Variants in TANC2 observed in about 807,000 individuals in gnomAD.
TANC2 encodes tetratricopeptide repeat, ankyrin repeat and coiled-coil containing 2.
In TANC2, 26 loss-of-function variants were observed where a neutral mutation model predicts 210.5. The observed-to-expected ratio is 0.12, with a 90% CI of 0.09 to 0.17. The LOEUF (loss-of-function observed/expected upper bound fraction) is 0.17. Among genes scored for constraint, TANC2 ranks in the 10% least tolerant of loss-of-function variants. The probability of loss-of-function intolerance (pLI) is 1.00; values close to 1 mark genes in which losing one functional copy is unlikely to be tolerated. For missense variants in TANC2, 2,129 were observed against 2,608.9 expected (o/e 0.82, Z 4.01); for synonymous variants, 931 against 967.1 (o/e 0.96, Z 0.69).
intron 5 of TANC2, among the ~76,000 whole-genome samples, chr17:63,175,539 A>ACC (rs1567787121): frequency 5.0e-4 from 75 of 150,518 alleles, no homozygotes; most frequent in African/African-American, 1.6e-3. Context: ...CCGCCAAAAA[A>ACC]AAAAAAAAAA....
intron 3 of TANC2, among the ~76,000 whole-genome samples, chr17:63,075,130 C>G (rs888979922): frequency 2.6e-5 from 4 of 152,046 alleles, no homozygotes; most frequent in Non-Finnish European, 4.4e-5. Flanking sequence ...TGGAATTTAT[C>G]TTATTCACTC....
chr17:63,049,483 A>G (rs929702940), intron 2 of TANC2, among the ~76,000 whole-genome samples: 3 of 152,148 alleles, frequency 2.0e-5, no homozygotes, highest in African/African-American at 7.2e-5. Flanking sequence ...CTGGGAGAGA[A>G]GTATTTCAGG....
At chr17:63,178,756 G>A (rs923359592) in intron 5 of TANC2, among the ~76,000 whole-genome samples, 2 of 152,206 alleles carry the variant, frequency 1.3e-5, no homozygotes, top group Admixed American at 6.5e-5. Context: ...ACAATCTGAT[G>A]TGCAAATGCT....
At chr17:63,003,710 T>C (rs532193561) in intron 1 of TANC2, among the ~76,000 whole-genome samples, 2 of 152,340 alleles carry the variant, frequency 1.3e-5, no homozygotes, top group East Asian at 1.9e-4. Context: ...TCCTGTGTTA[T>C]ATATGTTTTG....
intron 3 of TANC2, among the ~76,000 whole-genome samples, chr17:63,093,104 G>A (rs2037264097): frequency 1.3e-5 from 2 of 152,000 alleles, no homozygotes; most frequent in South Asian, 2.1e-4. Context: ...CAGTTCATCC[G>A]TTTTTTAATA....
intron 17 of TANC2, chr17:63,390,468 A>G (rs1184552395): frequency 6.6e-6 from 1 of 152,220 alleles, no homozygotes; most frequent in Non-Finnish European, 1.5e-5. Flanking sequence ...ACCTCTAGGA[A>G]CAATGATAAC....
chr17:63,185,148 C>T (rs994490033), intron 5 of TANC2, among the ~76,000 whole-genome samples: 4 of 152,002 alleles, frequency 2.6e-5, no homozygotes, highest in African/African-American at 7.2e-5. Flanking sequence ...GCGTGCACTA[C>T]CAGGCCTGGC....
At chr17:63,063,674 T>TTGTGTGTGTG (rs371281397) in intron 2 of TANC2, among the ~76,000 whole-genome samples, 19 of 137,502 alleles carry the variant, frequency 1.4e-4, no homozygotes, top group African/African-American at 4.1e-4. Flanking sequence ...TTACCCAGTA[T>TTGTGTGTGTG]TGTGTGTGTG....
chr17:63,286,860 G>A (rs930612932), intron 9 of TANC2, among the ~76,000 whole-genome samples: 11 of 152,078 alleles, frequency 7.2e-5, no homozygotes, highest in Middle Eastern at 3.4e-3. Flanking sequence ...CCTCTGTAAC[G>A]TCAAATGTGT....
At chr17:63,137,075 ATTTTTATTTTTTAT>A (rs918807151) in intron 4 of TANC2, among the ~76,000 whole-genome samples, 3 of 152,248 alleles carry the variant, frequency 2.0e-5, no homozygotes, top group Non-Finnish European at 4.4e-5. Flanking sequence ...GGAATGGGAG[ATTTTTATTTTTTAT>A]TTTTTATTTT....
chr17:63,032,285 C>T (rs1269810223), intron 2 of TANC2, among the ~76,000 whole-genome samples: 1 of 152,086 alleles, frequency 6.6e-6, no homozygotes, highest in Non-Finnish European at 1.5e-5. Flanking sequence ...GTCTGGTGTC[C>T]ACCCTTTGAC....
chr17:63,326,502 T>C (rs1347441295), intron 11 of TANC2, among the ~76,000 whole-genome samples: 1 of 151,946 alleles, frequency 6.6e-6, no homozygotes, highest in Admixed American at 6.6e-5. Context: ...AAGAAAAGAT[T>C]GACAAATTTG....
At chr17:63,158,495 T>C (rs2039914652) in intron 5 of TANC2, among the ~76,000 whole-genome samples, 1 of 152,160 alleles carries the variant, frequency 6.6e-6, no homozygotes, top group African/African-American at 2.4e-5. Flanking sequence ...TTCACTTGGG[T>C]TTTGACACGC....
At chr17:63,411,632 CAAG>C in exon 22 of TANC2, 1 of 1,613,964 alleles carries the variant, frequency 6.2e-7, no homozygotes, top group Non-Finnish European at 8.5e-7. Context: ...ACCATGCTGA[CAAG>C]AATGGCCGTA....
intron 2 of TANC2, among the ~76,000 whole-genome samples, chr17:63,043,810 C>A (rs781500508): frequency 9.9e-5 from 15 of 152,002 alleles, no homozygotes; most frequent in Admixed American, 4.6e-4. Context: ...TCAGCTAATG[C>A]AGATGTACAG....
intron 12 of TANC2, among the ~76,000 whole-genome samples, chr17:63,340,990 T>C (rs1448648121): frequency 1.3e-5 from 2 of 152,244 alleles, no homozygotes; most frequent in Non-Finnish European, 2.9e-5. Context: ...AACCATTTCC[T>C]TGAAAATGGT....
At chr17:63,094,892 T>A (rs1484779519) in intron 3 of TANC2, among the ~76,000 whole-genome samples, 1 of 152,174 alleles carries the variant, frequency 6.6e-6, no homozygotes, top group East Asian at 1.9e-4. Context: ...CACTTTTAAT[T>A]TGGTTGACTG....
Position 63,418,497 on chromosome 17 carries a change from C to G in TANC2, c.4268+90C>G, listed in dbSNP as rs555922039. 20 of 1,097,318 alleles carry G rather than the reference C, an allele frequency of 1.8e-5. No individual in the cohort carries two copies. In the Admixed American group the frequency reaches 3.4e-4, roughly 19 times the overall value. 68.0% of individuals were successfully genotyped at this position (1,097,318 alleles called of 1,614,324 possible). On this transcript the variant is annotated intron_variant, in intron 27 of 27. Coordinates refer to ENST00000689528, the Ensembl canonical transcript of TANC2. This position sits in a 1 kb window ranked among gnomAD's most constrained non-coding sequence, Gnocchi z 4.6. ...TCGGCCACCCTGGGGCATATGTACCCAAATACATCTCTGTCCTTGAGAACT... is the reference window on the plus strand; with the variant it reads ...TCGGCCACCCTGGGGCATATGTACCGAAATACATCTCTGTCCTTGAGAACT...
At chr17:63,209,896 G>T (rs770579207) in intron 7 of TANC2, among the ~76,000 whole-genome samples, 1 of 152,066 alleles carries the variant, frequency 6.6e-6, no homozygotes, top group Non-Finnish European at 1.5e-5. Flanking sequence ...ATCTTTTGAG[G>T]TGATGAAATA....
Sources: gnomAD v4.1 joint callset for allele counts (sites outside exome capture counted in the v4.1 genomes callset) on GRCh38, gnomAD v4.1.1 for gene constraint, Gnocchi (gnomAD v3.1) non-coding constraint, MANE v1.5 for transcripts, NCBI Gene and HGNC (gene_info 2026-07-23, HGNC 2026-07-21) for gene names.